Variants in TPP2 observed in about 807,000 individuals in gnomAD.
TPP2 encodes the protein tripeptidyl-peptidase 2.
A neutral mutation model predicts 155.9 loss-of-function variants in TPP2; 34 were observed. The ratio of observed to expected loss-of-function variants is 0.22; its 90% CI spans 0.17 to 0.29. TPP2 has a LOEUF of 0.29. Among genes scored for constraint, TPP2 ranks in the 10% least tolerant of loss-of-function variants. The pLI is 1.00. For synonymous variants in TPP2, 510 were observed against 529.4 expected, an observed-to-expected ratio of 0.96 and a Z score of 0.50; for missense variants, 1,028 against 1,522.3, an observed-to-expected ratio of 0.68 and a Z score of 5.40.
Position 102,649,458 on chromosome 13 carries a change from T to C in TPP2, c.2924T>C (p.Leu975Ser). The change falls in exon 23 of 30, where the codon TTG (leucine) becomes TCG (serine). Residue 975 changes from leucine (L) to serine (S), a missense_variant. Leu to Ser is a moderately radical substitution (Grantham distance 145). Around this residue, in one of 7 missense-constraint regions of TPP2, gnomAD observed 179 missense variants for 274.7 expected, o/e 0.65. Transcript: ENST00000376052. ...PGCYLAGSLT[L>S]SKTELGKKAG... ...TGCTATCTTGCAGGATCCTTAACAT[T>C]GTCAAAGACTGAACTAGGAAAGAAA... 6.2e-7 allele frequency: 1 copy of C among 1,612,836 alleles called. No individual in the cohort carries two copies. The highest frequency in any genetic ancestry group is 2.2e-5 in the East Asian group (1 of 44,804).
chr13:102,614,242 C>T (rs769451828), intron 3 of TPP2, 46 bp downstream of exon 3: 191 of 1,434,832 alleles, frequency 1.3e-4, no homozygotes, highest in Non-Finnish European at 1.7e-4. Context: ...TCTGACTTGT[C>T]TTCTTCCTCA....
intron 21 of TPP2, 110 bp downstream of exon 21, chr13:102,647,454 T>C (rs1025667022): frequency 7.3e-7 from 1 of 1,364,166 alleles, no homozygotes; most frequent in African/African-American, 1.5e-5. Flanking sequence ...ACAAAAATTA[T>C]AGCTTTGTGT....
intron 25 of TPP2, among the ~76,000 whole-genome samples, chr13:102,658,303 C>G (rs533003229): frequency 1.3e-5 from 2 of 152,080 alleles, no homozygotes; most frequent in Admixed American, 1.3e-4. Flanking sequence ...AAAATATTTC[C>G]CAGAGATTGA....
chr13:102,652,452 A>G (rs1274892937), intron 24 of TPP2, among the ~76,000 whole-genome samples: 4 of 77,896 alleles, frequency 5.1e-5, no homozygotes, highest in Non-Finnish European at 7.7e-5. Context: ...ATATATATAT[A>G]TAAAAGGGAC....
At chr13:102,616,032 C>T (rs979330469) in intron 3 of TPP2, among the ~76,000 whole-genome samples, 3 of 151,942 alleles carry the variant, frequency 2.0e-5, no homozygotes, top group African/African-American at 7.3e-5. Context: ...TCTCTGCTCA[C>T]TGCAGCCTCA....
chr13:102,675,349 C>T (rs931538094), intron 28 of TPP2, among the ~76,000 whole-genome samples: 4 of 152,174 alleles, frequency 2.6e-5, no homozygotes, highest in African/African-American at 9.7e-5. Flanking sequence ...GAATTTGAAT[C>T]TGAAATTAGA....
At chr13:102,621,276 C>A (rs1881145075) in intron 5 of TPP2, among the ~76,000 whole-genome samples, 1 of 152,106 alleles carries the variant, frequency 6.6e-6, no homozygotes, top group South Asian at 2.1e-4. Context: ...TTCGTTAATT[C>A]CTTAATCATG....
At chr13:102,670,509 C>G (rs1014431833) in intron 27 of TPP2, among the ~76,000 whole-genome samples, 2 of 152,166 alleles carry the variant, frequency 1.3e-5, no homozygotes, top group Non-Finnish European at 2.9e-5. Context: ...GACATCTGTC[C>G]TATTAATCCT....
Position 102,609,490 on chromosome 13 carries a change from C to T in TPP2, c.294+4569C>T, listed in dbSNP as rs540463023. ...TCAACTCACTGCAACATCTGCCACCCGGGTTCAAGCGATTCTCCTGCCTCA... is the reference window on the plus strand; with the variant it reads ...TCAACTCACTGCAACATCTGCCACCTGGGTTCAAGCGATTCTCCTGCCTCA... On this transcript the variant is annotated intron_variant, in intron 2 of 29. Coordinates refer to ENST00000376052, the MANE Select transcript of TPP2 (RefSeq NM_001330588.2). Among the ~76,000 whole-genome samples the T allele has an allele frequency of 8.6e-5, 13 of 150,370 alleles. No individual in the cohort carries two copies. The South Asian group carries it at 1.1e-3, about 12-fold the overall frequency.
rs141032667 is a variant in TPP2, at chr13:102,664,889, A to G, written c.3335A>G (p.Lys1112Arg). 205 of 1,613,832 alleles carry G rather than the reference A, an allele frequency of 1.3e-4. No homozygotes were observed. The African/African-American group carries it at 2.1e-3, about 17-fold the overall frequency. ...GCCCTAGCAGTTTATATTGCAATGA[A>G]GACTGATCCCAGGCCTGATGCAGCT... Reference protein sequence around the residue: ...QTALAVYIAMKTDPRPDAATI... With the variant: ...QTALAVYIAMRTDPRPDAATI... Residue 1112 changes from lysine (K) to arginine (R), a missense_variant, in exon 27 of 30, where the codon AAG becomes AGG. Around this residue, in one of 7 missense-constraint regions of TPP2, gnomAD observed 116 missense variants for 117.3 expected, o/e 0.99. Coordinates refer to ENST00000376052, the MANE Select transcript of TPP2 (RefSeq NM_001330588.2).
At chr13:102,678,096 A>T in intron 29 of TPP2, 131 bp from the exon 30 acceptor site, 1 of 861,140 alleles carries the variant, frequency 1.2e-6, no homozygotes, top group East Asian at 2.8e-5. Flanking sequence ...TGGGTGGGTG[A>T]CGGTTGGTGG....
chr13:102,626,002 C>T (rs545753711), intron 6 of TPP2, among the ~76,000 whole-genome samples: 1 of 152,206 alleles, frequency 6.6e-6, no homozygotes, highest in Non-Finnish European at 1.5e-5. Context: ...AGATACAAAT[C>T]ACAAGTTGTA....
chr13:102,672,664 C>T (rs953800298), intron 27 of TPP2, among the ~76,000 whole-genome samples: 3 of 152,080 alleles, frequency 2.0e-5, no homozygotes, highest in Non-Finnish European at 4.4e-5. Flanking sequence ...TGCCCGACAC[C>T]TTGGATTGTT....
chr13:102,655,989 C>T (rs1041729319), intron 24 of TPP2, among the ~76,000 whole-genome samples: 2 of 152,152 alleles, frequency 1.3e-5, no homozygotes, highest in Non-Finnish European at 2.9e-5. Flanking sequence ...GTCAGCAACA[C>T]ATTGGTTCTA....
intron 19 of TPP2, 26 bp downstream of exon 19, chr13:102,645,035 C>T: frequency 6.3e-7 from 1 of 1,593,374 alleles, no homozygotes; most frequent in South Asian, 1.1e-5. Flanking sequence ...TTAGGAACTA[C>T]AGATATTGAA....
rs755447155 is a variant in TPP2 at position 102,678,220 on chromosome 13, G to A, written c.3700-7G>A. 6.8e-6 allele frequency: 11 copies of A among 1,607,120 alleles called. No homozygotes were observed. The highest frequency in any genetic ancestry group is 9.3e-6 in the Non-Finnish European group (11 of 1,177,422). The stretch of plus-strand genomic sequence containing the variant: ...TTATAATAATATATTATTGTATTTT[G>A]TTGTAGCTGATGAAGTTACTTGGAT... On this transcript the variant is annotated splice_region_variant and splice_polypyrimidine_tract_variant and intron_variant, in intron 29 of 29. Coordinates refer to ENST00000376052, the MANE Select transcript of TPP2 (RefSeq NM_001330588.2).
At chr13:102,612,592 C>T (rs1449373980) in intron 2 of TPP2, among the ~76,000 whole-genome samples, 6 of 152,306 alleles carry the variant, frequency 3.9e-5, no homozygotes, top group Non-Finnish European at 5.9e-5. Flanking sequence ...GTTAGCTTTA[C>T]TCTAACTTGG....
chr13:102,632,117 GGT>G (rs1882058454), intron 10 of TPP2, among the ~76,000 whole-genome samples: 1 of 152,140 alleles, frequency 6.6e-6, no homozygotes, highest in Non-Finnish European at 1.5e-5. Context: ...AGCTGGGCAT[GGT>G]GGTGGGTGCA....
intron 4 of TPP2, among the ~76,000 whole-genome samples, chr13:102,617,718 A>G (rs1040031949): frequency 2.0e-5 from 3 of 152,228 alleles, no homozygotes; most frequent in African/African-American, 7.2e-5. Flanking sequence ...ATTTTAAGCA[A>G]TATTAAGTGC....
Sources: gnomAD v4.1 joint callset for allele counts (sites outside exome capture counted in the v4.1 genomes callset) on GRCh38, gnomAD v4.1.1 for gene constraint, gnomAD v4.1.1 regional missense constraint, MANE v1.5 for transcripts, NCBI Gene and HGNC (gene_info 2026-07-23, HGNC 2026-07-21) for gene names.